The following PHACTR4 variants were observed in gnomAD, a reference collection of about 807,000 sequenced individuals.
PHACTR4 encodes phosphatase and actin regulator 4.
In PHACTR4, 51 loss-of-function variants were observed where a neutral mutation model predicts 72.7. The observed-to-expected ratio is 0.70, with a 90% confidence interval of 0.56 to 0.89. The LOEUF (loss-of-function observed/expected upper bound fraction) is 0.89, where lower values mean the gene tolerates loss of function less well. PHACTR4 is among the 40% of genes least tolerant of loss of function. The probability of loss-of-function intolerance (pLI) is 0.00; values close to 1 mark genes in which losing one functional copy is unlikely to be tolerated. For synonymous variants in PHACTR4, 255 were observed against 302.5 expected (o/e 0.84, Z 1.63); for missense variants, 731 against 861.8 (o/e 0.85, Z 1.90).
At chr1:28,480,750 G>A (rs1173665265) in intron 9 of PHACTR4, 146 bp downstream of exon 9, 8 of 1,043,740 alleles carry the variant, frequency 7.7e-6, no homozygotes, top group South Asian at 3.0e-5. Context: ...GAGTAGTGGC[G>A]CGATCTCGGC....
At chr1:28,486,938 GA>G (rs1660681205) in intron 9 of PHACTR4, among the ~76,000 whole-genome samples, 1 of 151,962 alleles carries the variant, frequency 6.6e-6, no homozygotes, top group Admixed American at 6.6e-5. Flanking sequence ...TGAGCTGGGG[GA>G]ATCACTTGAG....
At chr1:28,445,880 C>T (rs965277297) in intron 2 of PHACTR4, among the ~76,000 whole-genome samples, 1 of 147,878 alleles carries the variant, frequency 6.8e-6, no homozygotes, top group African/African-American at 2.6e-5. Context: ...GCTAACAGAG[C>T]GAGACTGTGT....
chr1:28,446,778 C>CA (rs952515274), intron 2 of PHACTR4, among the ~76,000 whole-genome samples: 295 of 150,096 alleles, frequency 2.0e-3, no homozygotes, highest in Non-Finnish European at 1.0e-3. Context: ...GGCTCCATCT[C>CA]AAAAAAAAAG....
At chr1:28,380,050 A>ATTTTTTTT (rs1405487346) in intron 1 of PHACTR4, among the ~76,000 whole-genome samples, 2 of 128,076 alleles carry the variant, frequency 1.6e-5, no homozygotes, top group African/African-American at 3.0e-5. Context: ...TTTAAATGTA[A>ATTTTTTTT]CTTTTTTTTT....
intron 8 of PHACTR4, among the ~76,000 whole-genome samples, chr1:28,479,890 GTC>G (rs1464960926): frequency 1.3e-5 from 2 of 152,188 alleles, no homozygotes; most frequent in African/African-American, 4.8e-5. Context: ...CAAAAGCTCT[GTC>G]TCAAACAAAC....
intron 2 of PHACTR4, among the ~76,000 whole-genome samples, chr1:28,448,784 A>C (rs1434238707): frequency 1.1e-4 from 16 of 145,362 alleles, no homozygotes; most frequent in Non-Finnish European, 1.8e-4. Flanking sequence ...AAAAAAAAAA[A>C]ACCTGATAAG....
chr1:28,432,528 T>C (rs2124381721), intron 2 of PHACTR4, among the ~76,000 whole-genome samples: 1 of 152,024 alleles, frequency 6.6e-6, no homozygotes, highest in South Asian at 2.1e-4. Flanking sequence ...CCTGATGTTC[T>C]AGCTACTCCG....
intron 2 of PHACTR4, among the ~76,000 whole-genome samples, chr1:28,416,948 G>A (rs949993741): frequency 1.3e-4 from 19 of 151,776 alleles, no homozygotes; most frequent in African/African-American, 4.4e-4. Context: ...TTTAGATATG[G>A]TACAAAGTTG....
chr1:28,491,118 C>A, intron 11 of PHACTR4, 106 bp downstream of exon 11: 1 of 1,190,146 alleles, frequency 8.4e-7, no homozygotes, highest in South Asian at 1.3e-5. Flanking sequence ...CCTGTAATCC[C>A]AGCACTTTGG....
At chr1:28,419,102 G>A (rs1655325955) in intron 2 of PHACTR4, among the ~76,000 whole-genome samples, 1 of 144,174 alleles carries the variant, frequency 6.9e-6, no homozygotes, top group South Asian at 2.2e-4. Context: ...CCAATTTATA[G>A]CTAGCTGTTT....
chr1:28,407,504 GT>G, intron 2 of PHACTR4, 41 bp downstream of exon 2: 1 of 1,557,652 alleles, frequency 6.4e-7, no homozygotes, highest in Non-Finnish European at 8.8e-7. Flanking sequence ...TGACATTTCT[GT>G]TTTATCCTCA....
intron 6 of PHACTR4, among the ~76,000 whole-genome samples, chr1:28,470,288 G>A (rs946429294): frequency 1.3e-5 from 2 of 152,014 alleles, no homozygotes; most frequent in African/African-American, 2.4e-5. Context: ...AGCTACTTGG[G>A]AGATTGAGGT....
chr1:28,375,431 C>T (rs1439938217), intron 1 of PHACTR4, among the ~76,000 whole-genome samples: 1 of 151,720 alleles, frequency 6.6e-6, no homozygotes, highest in Non-Finnish European at 1.5e-5. Flanking sequence ...AATCCCAGTG[C>T]TTCGGGAGGC....
At chr1:28,474,724 G>T (rs1659811019) in intron 7 of PHACTR4, among the ~76,000 whole-genome samples, 1 of 151,430 alleles carries the variant, frequency 6.6e-6, no homozygotes, top group East Asian at 2.0e-4. Flanking sequence ...TGTATTTTTA[G>T]TGGAGATGGG....
chr1:28,438,911 A>G (rs1656808379), intron 2 of PHACTR4, among the ~76,000 whole-genome samples: 1 of 152,206 alleles, frequency 6.6e-6, no homozygotes, highest in Non-Finnish European at 1.5e-5. Context: ...TTTCCATTGC[A>G]CTAGTGTTTC....
intron 1 of PHACTR4, among the ~76,000 whole-genome samples, chr1:28,398,241 C>G (rs1653672740): frequency 6.6e-6 from 1 of 152,112 alleles, no homozygotes; most frequent in Non-Finnish European, 1.5e-5. Flanking sequence ...TGTTGGGTGG[C>G]TGGCCGGGGT....
At chr1:28,488,549 G>C (rs958199460) in intron 9 of PHACTR4, among the ~76,000 whole-genome samples, 1 of 152,092 alleles carries the variant, frequency 6.6e-6, no homozygotes, top group Non-Finnish European at 1.5e-5. Context: ...CAGCAGTTTG[G>C]GGGGCCAAGG....
At chr1:28,433,303 C>T (rs904887525) in intron 2 of PHACTR4, among the ~76,000 whole-genome samples, 24 of 151,878 alleles carry the variant, frequency 1.6e-4, no homozygotes, top group African/African-American at 5.3e-4. Flanking sequence ...ATTAGTGTGC[C>T]AGTATCGTCC....
intron 13 of PHACTR4, among the ~76,000 whole-genome samples, chr1:28,493,409 G>T (rs1661155730): frequency 6.6e-6 from 1 of 151,948 alleles, no homozygotes; most frequent in Non-Finnish European, 1.5e-5. Flanking sequence ...CTGGTAGCAG[G>T]CGCCTGTAAT....
Sources: gnomAD v4.1 joint callset for allele counts (sites outside exome capture counted in the v4.1 genomes callset) on GRCh38, gnomAD v4.1.1 for gene constraint, MANE v1.5 for transcripts, NCBI Gene and HGNC (gene_info 2026-07-23, HGNC 2026-07-21) for gene names.